The following PIGBOS1 variants were observed in gnomAD, a reference collection of about 807,000 sequenced individuals.
PIGBOS1 encodes the protein protein PIGBOS1.
rs557088907 is a variant in PIGBOS1, at chr15:55,319,120, C to G, written c.-332G>C. 3.0e-5 allele frequency: 34 copies of G among 1,133,120 alleles called. No individual in the cohort carries two copies. The highest frequency in any genetic ancestry group is 3.9e-5 in the Non-Finnish European group (32 of 819,874). The allele number at this position is 1,133,120 out of a possible 1,614,324, so 70.2% of individuals were successfully genotyped here. A position where few individuals can be genotyped will look rare whatever the true frequency, so the allele number is the denominator to read the frequency against. On this transcript the variant is annotated 5_prime_UTR_variant, in exon 1 of 2. Coordinates refer to ENST00000436697, the MANE Select transcript of PIGBOS1 (RefSeq NM_001308421.2). The stretch of plus-strand genomic sequence containing the variant: ...AGGAGGCCACCACGTCGGGTGGGAG[C>G]TACGAAGTTGCCCGTTCCCGGTTAC...
At position 55,317,537 on chromosome 15, in the gene PIGBOS1, A is replaced by G; in HGVS notation, c.*91T>C. 2.8e-6 allele frequency: 1 copy of G among 358,444 alleles called. No homozygotes were observed. The highest frequency in any genetic ancestry group is 5.0e-6 in the Non-Finnish European group (1 of 200,948). 22.2% of individuals were successfully genotyped at this position (358,444 alleles called of 1,614,324 possible). On this transcript the variant is annotated 3_prime_UTR_variant, in exon 2 of 2. Coordinates refer to ENST00000436697, the MANE Select transcript of PIGBOS1 (RefSeq NM_001308421.2). Reference sequence around the variant, plus strand: ...ACCATGTTGGTCAGGCTGGTCTTGAACTCCTGACCACCTGATCCACCCGCC... The same window carrying G: ...ACCATGTTGGTCAGGCTGGTCTTGAGCTCCTGACCACCTGATCCACCCGCC...
At chr15:55,317,932 C>G in intron 1 of PIGBOS1, 65 bp from the exon 2 acceptor site, 1 of 382,544 alleles carries the variant, frequency 2.6e-6, no homozygotes, top group Non-Finnish European at 4.6e-6. Context: ...GATGTTATGT[C>G]ACTACTTTGC....
intron 1 of PIGBOS1, 149 bp from the exon 2 acceptor site, chr15:55,318,016 G>A: frequency 6.5e-6 from 2 of 308,266 alleles, no homozygotes; most frequent in East Asian, 9.9e-5. Flanking sequence ...AGTACAGGAA[G>A]TGAATTAGGG....
At position 55,319,071 on chromosome 15, in the gene PIGBOS1, C is replaced by G. The variant is rs1595762071; in HGVS notation, c.-283G>C. 2 of 710,820 alleles carry G rather than the reference C, an allele frequency of 2.8e-6. No individual in the cohort carries two copies. The highest frequency in any genetic ancestry group is 6.0e-5 in the East Asian group (2 of 33,404). 44.0% of individuals were successfully genotyped at this position (710,820 alleles called of 1,614,324 possible). A position where few individuals can be genotyped will look rare whatever the true frequency, so the allele number is the denominator to read the frequency against. ...AAAGGCGAGTAGCAATCCCTCGGTT[C>G]GGAAACGGCGAAAGGAAACCGCAAG... On this transcript the variant is annotated 5_prime_UTR_variant, in exon 1 of 2. Coordinates refer to ENST00000436697, the MANE Select transcript of PIGBOS1 (RefSeq NM_001308421.2).
chr15:55,318,679 C>T lies in PIGBOS1; in HGVS notation c.-76+185G>A, dbSNP rs77928167. 3.3e-4 allele frequency among the ~76,000 whole-genome samples: 49 copies of T among 147,410 alleles called. No homozygotes were observed. The East Asian group carries it at 0.01, about 30-fold the overall frequency. ...TTGCGCCACTGCACTCCAGCCTGGA[C>T]TACAAGAGCGAAACTCCGTCTCAAA... On this transcript the variant is annotated intron_variant, in intron 1 of 1. Transcript: ENST00000436697.
chr15:55,317,787 A>G lies in PIGBOS1; in HGVS notation c.6T>C (p.Phe2=), dbSNP rs1212218533. 4 of 398,246 alleles carry G rather than the reference A, an allele frequency of 1.0e-5. No individual in the cohort carries two copies. The highest frequency in any genetic ancestry group is 1.8e-5 in the Non-Finnish European group (4 of 225,878). 24.7% of individuals were successfully genotyped at this position (398,246 alleles called of 1,614,324 possible). M[F]RRLTFAQLLF... ...GCAGTTGTGCAAAAGTCAATCTCCT[A>G]AACATTGCTGCAACAAATACAGCTC... Residue 2 remains phenylalanine (F), a synonymous_variant, in exon 2 of 2, where the codon TTT becomes TTC. Transcript: ENST00000436697.
Position 55,317,653 on chromosome 15 carries a change from T to G in PIGBOS1, c.140A>C (p.Gln47Pro). The change falls in exon 2 of 2, where the codon CAA becomes CCA. Residue 47 changes from glutamine (Q) to proline (P), a missense_variant. Transcript: ENST00000436697. ...TTAACTTTTCTTCTCTTCTGATTCT[T>G]GTACCAACTGCATCTTTTCTTTTAA... ...KELKEKMQLVQESEEKKS is the reference protein window; with the variant it reads ...KELKEKMQLVPESEEKKS 2.5e-6 allele frequency: 1 copy of G among 398,588 alleles called. No homozygotes were observed. The highest frequency in any genetic ancestry group is 4.4e-6 in the Non-Finnish European group (1 of 226,018). 24.7% of individuals were successfully genotyped at this position (398,588 alleles called of 1,614,324 possible).
Position 55,319,039 on chromosome 15 carries a change from C to T in PIGBOS1, c.-251G>A. ...TTCGGACCCCCGAGCACAGAGACCG[C>T]CAAGCCAAAGGCGAGTAGCAATCCC... On this transcript the variant is annotated 5_prime_UTR_variant, in exon 1 of 2. Coordinates refer to ENST00000436697, the MANE Select transcript of PIGBOS1 (RefSeq NM_001308421.2). 1.7e-6 allele frequency: 1 copy of T among 573,072 alleles called. No individual in the cohort carries two copies. The highest frequency in any genetic ancestry group is 3.0e-6 in the Non-Finnish European group (1 of 338,854). 35.5% of individuals were successfully genotyped at this position (573,072 alleles called of 1,614,324 possible). A position where few individuals can be genotyped will look rare whatever the true frequency, so the allele number is the denominator to read the frequency against.
Position 55,317,652 on chromosome 15 carries a change from T to C in PIGBOS1, c.141A>G (p.Gln47=). The change falls in exon 2 of 2, where the codon CAA becomes CAG. Residue 47 remains glutamine, a synonymous_variant. Transcript: ENST00000436697. Reference sequence around the variant, plus strand: ...ATTAACTTTTCTTCTCTTCTGATTCTTGTACCAACTGCATCTTTTCTTTTA... The same window carrying C: ...ATTAACTTTTCTTCTCTTCTGATTCCTGTACCAACTGCATCTTTTCTTTTA... ...KELKEKMQLV[Q]ESEEKKS is the part of the protein sequence containing the mutation. 5.0e-6 allele frequency: 2 copies of C among 398,578 alleles called. No individual in the cohort carries two copies. Among genetic ancestry groups the C allele is most frequent in the Non-Finnish European group, 8.8e-6 (2 of 226,014 alleles). The allele number at this position is 398,578 out of a possible 1,614,324, so 24.7% of individuals were successfully genotyped here.
chr15:55,318,225 G>A (rs951488014), intron 1 of PIGBOS1, among the ~76,000 whole-genome samples: 6 of 150,986 alleles, frequency 4.0e-5, no homozygotes, highest in African/African-American at 1.5e-4. Flanking sequence ...AGCCTCCCGA[G>A]AAGCTGGGAC....
At chr15:55,318,305 G>C (rs1440736687) in intron 1 of PIGBOS1, among the ~76,000 whole-genome samples, 2 of 151,216 alleles carry the variant, frequency 1.3e-5, no homozygotes, top group Admixed American at 6.6e-5. Context: ...CACCGTGTTA[G>C]CCAGGATGGT....
chr15:55,318,168 G>A (rs1277715489), intron 1 of PIGBOS1, among the ~76,000 whole-genome samples: 4 of 149,684 alleles, frequency 2.7e-5, no homozygotes, highest in African/African-American at 7.4e-5. Context: ...CGCAATCTCG[G>A]CTCACTGCAA....
chr15:55,318,327 G>T (rs1453515026), intron 1 of PIGBOS1, among the ~76,000 whole-genome samples: 1 of 151,084 alleles, frequency 6.6e-6, no homozygotes, highest in Non-Finnish European at 1.5e-5. Context: ...TCGATCCTCT[G>T]ACCTCCTGAT....
intron 1 of PIGBOS1, 35 bp from the exon 2 acceptor site, chr15:55,317,902 A>G (rs1377722220): frequency 2.6e-6 from 1 of 389,454 alleles, no homozygotes; most frequent in Non-Finnish European, 4.5e-6. Flanking sequence ...GCCATCACTT[A>G]GTACAATGTC....
Position 55,318,890 on chromosome 15 carries a change from T to C in PIGBOS1, c.-102A>G, listed in dbSNP as rs370468711. ...TGAAATGTTAACACCAACACTGACG[T>C]CTACAATTACCGTTACCGTTTTTAA... On this transcript the variant is annotated 5_prime_UTR_variant, in exon 1 of 2. Transcript: ENST00000436697. 4.3e-4 allele frequency: 89 copies of C among 206,774 alleles called. No individual in the cohort carries two copies. The East Asian group carries it at 6.9e-3, about 16-fold the overall frequency. 12.8% of individuals were successfully genotyped at this position (206,774 alleles called of 1,614,324 possible).
Position 55,317,264 on chromosome 15 carries a change from G to A in PIGBOS1, c.*364C>T, listed in dbSNP as rs953071493. 6.5e-6 allele frequency: 1 copy of A among 153,146 alleles called. No individual in the cohort carries two copies. The highest frequency in any genetic ancestry group is 1.5e-5 in the Non-Finnish European group (1 of 68,766). The allele number at this position is 153,146 out of a possible 1,614,324, so 9.5% of individuals were successfully genotyped here. ...TAGATTAGAGTTAACATAATTAAAT[G>A]GAACTTTAAGCAATTATTACAGTTC... On this transcript the variant is annotated 3_prime_UTR_variant, in exon 2 of 2. Coordinates refer to ENST00000436697, the MANE Select transcript of PIGBOS1 (RefSeq NM_001308421.2).
At position 55,317,520 on chromosome 15, in the gene PIGBOS1, G is replaced by C. The variant is rs1465434486; in HGVS notation, c.*108C>G. The C allele has an allele frequency of 5.8e-6, 2 of 347,262 alleles. No individual in the cohort carries two copies. The highest frequency in any genetic ancestry group is 4.8e-5 in the Admixed American group (1 of 21,008). The allele number at this position is 347,262 out of a possible 1,614,324, so 21.5% of individuals were successfully genotyped here. ...AGTAGAGACAGGGTTTCACCATGTTGGTCAGGCTGGTCTTGAACTCCTGAC... is the reference window on the plus strand; with the variant it reads ...AGTAGAGACAGGGTTTCACCATGTTCGTCAGGCTGGTCTTGAACTCCTGAC... On this transcript the variant is annotated 3_prime_UTR_variant, in exon 2 of 2. Coordinates refer to ENST00000436697, the MANE Select transcript of PIGBOS1 (RefSeq NM_001308421.2).
rs1337914211 is a variant in PIGBOS1 at position 55,319,108 on chromosome 15, G to A, written c.-320C>T. 2.0e-6 allele frequency: 2 copies of A among 983,602 alleles called. No individual in the cohort carries two copies. The highest frequency in any genetic ancestry group is 2.9e-5 in the East Asian group (1 of 34,702). The allele number at this position is 983,602 out of a possible 1,614,324, so 60.9% of individuals were successfully genotyped here. ...AAGGAAACCGCAAGGAGGCCACCAC[G>A]TCGGGTGGGAGCTACGAAGTTGCCC... On this transcript the variant is annotated 5_prime_UTR_variant, in exon 1 of 2. In the 5' UTR this introduces an upstream ATG that the reference lacks. Transcript: ENST00000436697.
At chr15:55,318,159 G>A (rs1215800838) in intron 1 of PIGBOS1, among the ~76,000 whole-genome samples, 6 of 147,818 alleles carry the variant, frequency 4.1e-5, no homozygotes, top group African/African-American at 1.5e-4. Flanking sequence ...GTGCAATGGC[G>A]CAATCTCGGC....
Sources: gnomAD v4.1 joint callset for allele counts (sites outside exome capture counted in the v4.1 genomes callset) on GRCh38, gnomAD v4.1.1 for gene constraint, MANE v1.5 for transcripts, NCBI Gene and HGNC (gene_info 2026-07-23, HGNC 2026-07-21) for gene names.